TBC1D21: variants seen among roughly 807,000 people sequenced by gnomAD.
The protein encoded by TBC1D21 is male germ cell Rab GTPase-activating protein.
A neutral mutation model predicts 46.0 loss-of-function variants in TBC1D21; 38 were observed. That is an observed-to-expected ratio of 0.83 (90% CI 0.64 to 1.08). TBC1D21 has a LOEUF of 1.08. TBC1D21 is among the 50% of genes least tolerant of loss of function. TBC1D21 has a pLI of 0.00. For missense variants in TBC1D21, 415 were observed against 417.9 expected, an observed-to-expected ratio of 0.99 and a Z score of 0.06; for synonymous variants, 151 against 157.2, an observed-to-expected ratio of 0.96 and a Z score of 0.29.
At chr15:73,906,225 C>T in the TBC1D21 span, among the ~76,000 whole-genome samples, 189 of 152,302 alleles carry the variant, frequency 1.2e-3, 1 homozygote, top group African/African-American at 4.5e-3. Context: ...CACAGGTGAC[C>T]CTTTGTGCTG....
chr15:73,901,995 G>A, the TBC1D21 span, among the ~76,000 whole-genome samples: 2 of 151,912 alleles, frequency 1.3e-5, no homozygotes, highest in Non-Finnish European at 2.9e-5. Flanking sequence ...TTATTTTTTT[G>A]TAGAGATGGG....
chr15:73,905,468 T>C, the TBC1D21 span, among the ~76,000 whole-genome samples: 1 of 152,188 alleles, frequency 6.6e-6, no homozygotes. Flanking sequence ...GTACAACCTT[T>C]AGATTAGAGT....
intron 1 of TBC1D21, 108 bp downstream of exon 1, chr15:73,873,877 G>T: frequency 2.3e-6 from 3 of 1,320,760 alleles, no homozygotes; most frequent in Non-Finnish European, 3.2e-6. Context: ...AGCTAACATA[G>T]AAGGTGGAGC....
At position 73,889,141 on chromosome 15, in the gene TBC1D21, C is replaced by A. The variant is rs1440720333; in HGVS notation, c.*40C>A. ...GCAGTGGACTGATGCCTTCGATGGG[C>A]AGGATGAAGGCCAGGGGCACTGGAG... On this transcript the variant is annotated 3_prime_UTR_variant, in exon 11 of 11. Transcript: ENST00000300504. 1 of 1,606,190 alleles carries A rather than the reference C, an allele frequency of 6.2e-7. No individual in the cohort carries two copies. Among genetic ancestry groups the A allele is most frequent in the Non-Finnish European group, 8.5e-7 (1 of 1,175,526 alleles).
chr15:73,889,201 G>C lies in TBC1D21; in HGVS notation c.*100G>C. 7.2e-4 allele frequency: 935 copies of C among 1,298,342 alleles called. No individual in the cohort carries two copies. The highest frequency in any genetic ancestry group is 9.5e-4 in the Non-Finnish European group (866 of 914,134). 80.4% of individuals were successfully genotyped at this position (1,298,342 alleles called of 1,614,324 possible). ...AGATAAAACAGCTGCAATATAAACA[G>C]TCCTCTGGAATAATGGTTTGTGGTG... is the stretch of plus-strand genomic sequence containing the variant. On this transcript the variant is annotated 3_prime_UTR_variant, in exon 11 of 11. Coordinates refer to ENST00000300504, the MANE Select transcript of TBC1D21 (RefSeq NM_153356.3).
chr15:73,879,310 C>T (rs184248120), intron 1 of TBC1D21, among the ~76,000 whole-genome samples: 96 of 152,186 alleles, frequency 6.3e-4, no homozygotes, highest in South Asian at 4.8e-3. Context: ...CAGGTTCAAG[C>T]GATTCTTCTG....
the TBC1D21 span, among the ~76,000 whole-genome samples, chr15:73,906,928 TTC>T: frequency 0.039 from 5,926 of 152,238 alleles, 388 homozygotes; most frequent in African/African-American, 0.14. Context: ...CAGGCTCTTG[TTC>T]TCTGTCCCAC....
intron 8 of TBC1D21, 133 bp downstream of exon 8, chr15:73,886,745 G>A: frequency 1.3e-6 from 1 of 784,738 alleles, no homozygotes; most frequent in Non-Finnish European, 2.2e-6. Context: ...TGTTAGGTCA[G>A]CAACCCTGCT....
chr15:73,894,966 C>G, the TBC1D21 span, among the ~76,000 whole-genome samples: 1 of 152,174 alleles, frequency 6.6e-6, no homozygotes, highest in Non-Finnish European at 1.5e-5. Flanking sequence ...AGATTCACAA[C>G]CAGAAATGAA....
intron 3 of TBC1D21, among the ~76,000 whole-genome samples, chr15:73,883,229 CG>C (rs1330513206): frequency 3.9e-5 from 6 of 152,112 alleles, no homozygotes; most frequent in Admixed American, 3.3e-4. Context: ...CGGGGTGGGA[CG>C]GGGGTGTGAG....
At chr15:73,886,243 G>A in intron 7 of TBC1D21, 69 bp downstream of exon 7, 1 of 1,385,086 alleles carries the variant, frequency 7.2e-7, no homozygotes, top group Non-Finnish European at 1.0e-6. Flanking sequence ...GGACCCAACT[G>A]TCAGTCCCTA....
intron 6 of TBC1D21, among the ~76,000 whole-genome samples, chr15:73,885,566 C>T (rs1372627290): frequency 6.6e-6 from 1 of 152,094 alleles, no homozygotes; most frequent in African/African-American, 2.4e-5. Flanking sequence ...CCCTCACTGT[C>T]CAAGTTGAGG....
intron 3 of TBC1D21, among the ~76,000 whole-genome samples, chr15:73,882,485 C>G (rs572362380): frequency 1.3e-5 from 2 of 152,152 alleles, no homozygotes; most frequent in East Asian, 3.9e-4. Flanking sequence ...AGTAGCCCAC[C>G]CTTCCTTCAA....
intron 2 of TBC1D21, 37 bp downstream of exon 2, chr15:73,881,543 C>T (rs1222384161): frequency 1.2e-6 from 2 of 1,607,002 alleles, no homozygotes; most frequent in Non-Finnish European, 1.7e-6. Flanking sequence ...TGCCCTGGAA[C>T]TGGGAGCATG....
At chr15:73,882,293 C>T (rs972093298) in intron 3 of TBC1D21, among the ~76,000 whole-genome samples, 2 of 152,206 alleles carry the variant, frequency 1.3e-5, no homozygotes, top group Admixed American at 6.5e-5. Flanking sequence ...CTTCCAAAAA[C>T]TTCCTGATCC....
intron 5 of TBC1D21, 38 bp from the exon 6 acceptor site, chr15:73,884,962 TCCC>T: frequency 1.3e-6 from 2 of 1,593,066 alleles, no homozygotes; most frequent in Non-Finnish European, 1.7e-6. Context: ...GTCCAGGCTC[TCCC>T]ACCCAGCCCC....
chr15:73,893,142 A>G (rs558409355), downstream of TBC1D21, among the ~76,000 whole-genome samples: 1 of 152,280 alleles, frequency 6.6e-6, no homozygotes, highest in Non-Finnish European at 1.5e-5. Context: ...GGTACTCCTT[A>G]AATAGTGCCA....
chr15:73,877,909 A>T (rs1279970678), intron 1 of TBC1D21, among the ~76,000 whole-genome samples: 1 of 152,192 alleles, frequency 6.6e-6, no homozygotes. Flanking sequence ...ACTGGAAGGG[A>T]CTGTCTTCAA....
At chr15:73,901,981 G>A in the TBC1D21 span, among the ~76,000 whole-genome samples, 1 of 151,858 alleles carries the variant, frequency 6.6e-6, no homozygotes, top group Non-Finnish European at 1.5e-5. Context: ...CCAGCTAATT[G>A]TTTTTATTTT....
Sources: gnomAD v4.1 joint callset for allele counts (sites outside exome capture counted in the v4.1 genomes callset) on GRCh38, gnomAD v4.1.1 for gene constraint, MANE v1.5 for transcripts, NCBI Gene and HGNC (gene_info 2026-07-23, HGNC 2026-07-21) for gene names.